GPHN: variants seen among roughly 807,000 people sequenced by gnomAD.
GPHN encodes gephyrin.
GPHN carries 17 observed loss-of-function variants against 95.5 expected under a neutral mutation model. That is an observed-to-expected ratio of 0.18 (90% CI 0.12 to 0.27). The LOEUF (loss-of-function observed/expected upper bound fraction) is 0.27, where lower values mean the gene tolerates loss of function less well. Ranked by LOEUF, GPHN falls within the 10% of genes least tolerant of loss-of-function variation. GPHN has a pLI of 1.00. For missense variants in GPHN, 660 were observed against 978.1 expected, an observed-to-expected ratio of 0.67 and a Z score of 4.34; for synonymous variants, 320 against 322.5, an observed-to-expected ratio of 0.99 and a Z score of 0.08.
At chr14:67,641,124 G>A in the GPHN span, among the ~76,000 whole-genome samples, 1 of 152,312 alleles carries the variant, frequency 6.6e-6, no homozygotes, top group South Asian at 2.1e-4. Context: ...GGCTGTGATA[G>A]TGACACCTTT....
At chr14:67,022,608 T>TGTG in intron 9 of GPHN, among the ~76,000 whole-genome samples, 1 of 141,010 alleles carries the variant, frequency 7.1e-6, no homozygotes, top group Middle Eastern at 3.5e-3. Flanking sequence ...TGTGTGTGTA[T>TGTG]TTTTCTTGTA....
At chr14:67,648,467 TTTGAG>T in the GPHN span, 3 of 246,582 alleles carry the variant, frequency 1.2e-5, no homozygotes, top group Non-Finnish European at 2.3e-5. Flanking sequence ...GATGCAGTTC[TTTGAG>T]TTATCTAAAG....
intron 13 of GPHN, among the ~76,000 whole-genome samples, chr14:67,107,150 C>T (rs1309735958): frequency 6.6e-6 from 1 of 152,246 alleles, no homozygotes; most frequent in South Asian, 2.1e-4. Flanking sequence ...GTGGCATAGG[C>T]TGTTAATATC....
intron 1 of GPHN, among the ~76,000 whole-genome samples, chr14:66,530,809 A>C (rs7148134): frequency 1.3e-5 from 2 of 151,572 alleles, no homozygotes; most frequent in South Asian, 4.2e-4. Flanking sequence ...ACCAGTCCCA[A>C]TGAGATGAGC....
the GPHN span, among the ~76,000 whole-genome samples, chr14:67,699,656 T>C: frequency 7.2e-6 from 1 of 139,302 alleles, no homozygotes; most frequent in East Asian, 2.1e-4. Flanking sequence ...ATGTAAAAAA[T>C]CTTCACCTTT....
the GPHN span, among the ~76,000 whole-genome samples, chr14:67,347,179 T>A: frequency 1.3e-5 from 2 of 151,986 alleles, no homozygotes; most frequent in Non-Finnish European, 2.9e-5. Flanking sequence ...GAGATGGAGA[T>A]TTGCCTGCCT....
At chr14:66,541,555 C>A (rs2059353911) in intron 1 of GPHN, among the ~76,000 whole-genome samples, 1 of 152,102 alleles carries the variant, frequency 6.6e-6, no homozygotes, top group African/African-American at 2.4e-5. Flanking sequence ...TTTTTCTATT[C>A]AGAGCAATTC....
chr14:67,196,223 C>CTTTTTTTTTTTTTTTT, the GPHN span, among the ~76,000 whole-genome samples: 4 of 143,114 alleles, frequency 2.8e-5, no homozygotes, highest in Admixed American at 7.0e-5. Flanking sequence ...TTCTTTCTTT[C>CTTTTTTTTTTTTTTTT]TTTTTTTTTT....
the GPHN span, among the ~76,000 whole-genome samples, chr14:67,393,939 T>G: frequency 2.6e-5 from 4 of 152,170 alleles, no homozygotes; most frequent in Non-Finnish European, 4.4e-5. Flanking sequence ...ACAAGTGTGG[T>G]GATTCGCTGT....
At chr14:66,790,089 A>G (rs2059918053) in intron 3 of GPHN, among the ~76,000 whole-genome samples, 1 of 152,214 alleles carries the variant, frequency 6.6e-6, no homozygotes, top group Non-Finnish European at 1.5e-5. Context: ...GTTTTTCCCT[A>G]GGCTGTTAAA....
chr14:67,089,125 C>CTTTTTTTGTTTTTTTTTTTTTTT, intron 12 of GPHN, 50 bp downstream of exon 12: 1 of 326,496 alleles, frequency 3.1e-6, no homozygotes, highest in Non-Finnish European at 6.0e-6. Context: ...ATTTTTTTTT[C>CTTTTTTTGTTTTTTTTTTTTTTT]TTTTTTTCTT....
intron 17 of GPHN, among the ~76,000 whole-genome samples, chr14:67,133,440 TG>T (rs1365520268): frequency 6.6e-6 from 1 of 152,164 alleles, no homozygotes; most frequent in African/African-American, 2.4e-5. Flanking sequence ...ATCCTAAACT[TG>T]GGTAAATGCT....
chr14:67,571,857 T>A, the GPHN span: 1 of 1,613,462 alleles, frequency 6.2e-7, no homozygotes, highest in East Asian at 2.2e-5. Flanking sequence ...CTCCTCTGAG[T>A]CCAGGAAGAC....
At chr14:67,413,371 G>T in the GPHN span, among the ~76,000 whole-genome samples, 1 of 152,160 alleles carries the variant, frequency 6.6e-6, no homozygotes, top group African/African-American at 2.4e-5. Context: ...CAAAGTGCTG[G>T]GATTGTGGGC....
intron 12 of GPHN, among the ~76,000 whole-genome samples, chr14:67,096,328 G>A (rs2077391759): frequency 6.6e-6 from 1 of 152,052 alleles, no homozygotes; most frequent in Admixed American, 6.6e-5. Flanking sequence ...GACCTCCCTG[G>A]AACTCCATAC....
At chr14:67,026,395 T>C (rs1232601705) in intron 10 of GPHN, among the ~76,000 whole-genome samples, 6 of 152,182 alleles carry the variant, frequency 3.9e-5, no homozygotes, top group African/African-American at 1.4e-4. Flanking sequence ...ATGATGATGA[T>C]AATAAAATAG....
intron 1 of GPHN, among the ~76,000 whole-genome samples, chr14:66,588,634 T>G (rs2061517240): frequency 6.6e-6 from 1 of 151,798 alleles, no homozygotes; most frequent in Non-Finnish European, 1.5e-5. Context: ...AGAAATGATA[T>G]CAGAGATTGA....
chr14:66,701,247 G>C (rs1447152307), intron 2 of GPHN, among the ~76,000 whole-genome samples: 3 of 136,252 alleles, frequency 2.2e-5, no homozygotes, highest in Non-Finnish European at 4.5e-5. Flanking sequence ...ATACTGTTGT[G>C]CATATTTCTC....
chr14:67,632,965 C>T, the GPHN span, among the ~76,000 whole-genome samples: 5 of 151,480 alleles, frequency 3.3e-5, no homozygotes, highest in African/African-American at 4.8e-5. Context: ...GGACTACAGG[C>T]GCCCGCCACC....
Sources: gnomAD v4.1 joint callset for allele counts (sites outside exome capture counted in the v4.1 genomes callset) on GRCh38, gnomAD v4.1.1 for gene constraint, MANE v1.5 for transcripts, NCBI Gene and HGNC (gene_info 2026-07-23, HGNC 2026-07-21) for gene names.